ARB2A: variants seen among roughly 807,000 people sequenced by gnomAD.
ARB2A encodes cotranscriptional regulator ARB2A.
chr5:93,756,200 C>G, the ARB2A span, among the ~76,000 whole-genome samples: 1 of 152,150 alleles, frequency 6.6e-6, no homozygotes, highest in Non-Finnish European at 1.5e-5. Context: ...CACTCCCATA[C>G]CCCACAGCAG....
At chr5:93,973,559 T>C in the ARB2A span, among the ~76,000 whole-genome samples, 1 of 151,954 alleles carries the variant, frequency 6.6e-6, no homozygotes, top group Non-Finnish European at 1.5e-5. Flanking sequence ...ATACAAGAAA[T>C]CCAGAGAACT....
the ARB2A span, among the ~76,000 whole-genome samples, chr5:94,026,643 G>C: frequency 1.3e-5 from 2 of 152,188 alleles, no homozygotes; most frequent in Non-Finnish European, 2.9e-5. Context: ...ATGTAAAATA[G>C]GTGAAGGGTG....
At chr5:93,722,819 T>G in the ARB2A span, among the ~76,000 whole-genome samples, 6 of 152,066 alleles carry the variant, frequency 3.9e-5, no homozygotes, top group African/African-American at 1.4e-4. Context: ...CAATTAAATT[T>G]GAAGAAGTAG....
chr5:93,755,394 G>A, the ARB2A span, among the ~76,000 whole-genome samples: 15 of 152,198 alleles, frequency 9.9e-5, no homozygotes, highest in African/African-American at 2.2e-4. Flanking sequence ...CATGGCTGAC[G>A]GGAGGCAGGA....
the ARB2A span, chr5:93,621,018 C>T: frequency 6.8e-6 from 11 of 1,610,670 alleles, no homozygotes; most frequent in Non-Finnish European, 9.3e-6. Context: ...GCGGTGGGAG[C>T]GGCGCGTCAC....
the ARB2A span, among the ~76,000 whole-genome samples, chr5:93,722,580 C>A: frequency 3.3e-5 from 5 of 151,954 alleles, no homozygotes; most frequent in Admixed American, 6.6e-5. Flanking sequence ...ACTACAGGAA[C>A]AACATTACAT....
the ARB2A span, among the ~76,000 whole-genome samples, chr5:93,633,343 G>A: frequency 6.6e-6 from 1 of 152,140 alleles, no homozygotes; most frequent in Non-Finnish European, 1.5e-5. Context: ...GCTACCAAGT[G>A]AAAAATTCTA....
At chr5:93,841,096 G>A in the ARB2A span, among the ~76,000 whole-genome samples, 1 of 152,008 alleles carries the variant, frequency 6.6e-6, no homozygotes, top group African/African-American at 2.4e-5. Context: ...TAAAATTTAG[G>A]TCTTTTCTTT....
At chr5:94,068,041 C>A in the ARB2A span, among the ~76,000 whole-genome samples, 2,169 of 152,240 alleles carry the variant, frequency 0.014, 55 homozygotes, top group African/African-American at 0.049. Context: ...CCGAAGTGTG[C>A]GGATCACTTT....
At chr5:93,682,013 A>G in the ARB2A span, among the ~76,000 whole-genome samples, 1 of 152,184 alleles carries the variant, frequency 6.6e-6, no homozygotes, top group Non-Finnish European at 1.5e-5. Context: ...TTGAAATTCC[A>G]TTATTTAATG....
At chr5:93,771,454 T>C in the ARB2A span, among the ~76,000 whole-genome samples, 1 of 150,560 alleles carries the variant, frequency 6.6e-6, no homozygotes, top group East Asian at 1.9e-4. Context: ...AATTGACAAA[T>C]GGGATCTAAT....
the ARB2A span, among the ~76,000 whole-genome samples, chr5:94,104,064 C>T: frequency 3.3e-5 from 5 of 150,626 alleles, no homozygotes; most frequent in East Asian, 9.7e-4. Context: ...TTAGAAAGAT[C>T]TCAAATTAAC....
the ARB2A span, among the ~76,000 whole-genome samples, chr5:93,990,357 G>T: frequency 1.3e-5 from 2 of 151,890 alleles, no homozygotes. Flanking sequence ...TCTCTACAAT[G>T]ATAGCAGAAG....
the ARB2A span, among the ~76,000 whole-genome samples, chr5:94,018,016 C>T: frequency 6.6e-6 from 1 of 152,144 alleles, no homozygotes; most frequent in African/African-American, 2.4e-5. Context: ...TGTTCTCTTG[C>T]TGCCACCATG....
At chr5:93,804,781 C>T in the ARB2A span, 1 of 505,666 alleles carries the variant, frequency 2.0e-6, no homozygotes, top group Non-Finnish European at 2.6e-6. Flanking sequence ...AAAAGAAATG[C>T]TTTTGCCTAA....
the ARB2A span, among the ~76,000 whole-genome samples, chr5:94,082,563 T>A: frequency 6.6e-6 from 1 of 152,216 alleles, no homozygotes; most frequent in Non-Finnish European, 1.5e-5. Context: ...AACAAGGCAT[T>A]TAAGTACCAC....
chr5:94,095,684 C>A, the ARB2A span, among the ~76,000 whole-genome samples: 1 of 151,870 alleles, frequency 6.6e-6, no homozygotes, highest in Non-Finnish European at 1.5e-5. Flanking sequence ...TTACAACACT[C>A]CCATAGTATC....
the ARB2A span, chr5:93,861,228 T>C: frequency 6.6e-6 from 1 of 152,190 alleles, no homozygotes; most frequent in East Asian, 1.9e-4. Flanking sequence ...TTCTTTGTCT[T>C]TGCTTATATA....
At chr5:94,019,983 T>G in the ARB2A span, among the ~76,000 whole-genome samples, 145 of 152,334 alleles carry the variant, frequency 9.5e-4, no homozygotes, top group African/African-American at 3.4e-3. Flanking sequence ...ATTGCAGCAC[T>G]GTTCACAATA....
Sources: gnomAD v4.1 joint callset for allele counts (sites outside exome capture counted in the v4.1 genomes callset) on GRCh38, gnomAD v4.1.1 for gene constraint, MANE v1.5 for transcripts, NCBI Gene and HGNC (gene_info 2026-07-23, HGNC 2026-07-21) for gene names.